Variants in TNNT2 observed in about 807,000 individuals in gnomAD.
The protein encoded by TNNT2 is troponin T, cardiac muscle.
Under a neutral mutation model 62.4 loss-of-function variants are expected in TNNT2, and 34 were observed. The observed-to-expected ratio is 0.54, with a 90% CI of 0.41 to 0.72. TNNT2 has a LOEUF of 0.72. Ranked by LOEUF, TNNT2 falls within the 30% of genes least tolerant of loss-of-function variation. The probability of loss-of-function intolerance (pLI) is 0.00; values close to 1 mark genes in which losing one functional copy is unlikely to be tolerated. For synonymous variants in TNNT2, 123 were observed against 127.2 expected, an observed-to-expected ratio of 0.97 and a Z score of 0.22; for missense variants, 275 against 381.9, an observed-to-expected ratio of 0.72 and a Z score of 2.33.
intron 12 of TNNT2, 151 bp downstream of exon 12, chr1:201,363,145 G>A: frequency 6.5e-7 from 1 of 1,547,914 alleles, no homozygotes; most frequent in Admixed American, 1.8e-5. Flanking sequence ...AACCAGCTCA[G>A]GGCTGGGCAT....
At chr1:201,371,067 G>C (rs1032883740) in intron 4 of TNNT2, among the ~76,000 whole-genome samples, 1 of 152,186 alleles carries the variant, frequency 6.6e-6, no homozygotes, top group Non-Finnish European at 1.5e-5. Context: ...GTGCAGGAGG[G>C]TCCCCATTTT....
In TNNT2 at chr1:201,362,121, G is replaced by A. The variant is rs750030939; in HGVS notation, c.610-99C>T. 6.6e-6 allele frequency: 9 copies of A among 1,364,780 alleles called. No individual in the cohort carries two copies. In the Admixed American group the frequency reaches 1.0e-4, roughly 15 times the overall value. 84.5% of individuals were successfully genotyped at this position (1,364,780 alleles called of 1,614,324 possible). Reference sequence around the variant, plus strand: ...TGGGGGTGGAGCAAGGCCTGCAGGAGGGCCAGGTTCTTATGCTCTTCTTCC... The same window carrying A: ...TGGGGGTGGAGCAAGGCCTGCAGGAAGGCCAGGTTCTTATGCTCTTCTTCC... On this transcript the variant is annotated intron_variant, in intron 13 of 16. Transcript: ENST00000656932.
chr1:201,361,374 A>C lies in TNNT2; in HGVS notation c.720-5T>G, dbSNP rs730881092. 12 of 1,613,698 alleles carry C rather than the reference A, an allele frequency of 7.4e-6. No homozygotes were observed. The Admixed American group carries it at 2.0e-4, about 27-fold the overall frequency. ...CACAGCTCCTTGGCCTTCTCCCTGCACGGGCAAGGGTGAGAATGGGGAGGT... is the reference window on the plus strand; with the variant it reads ...CACAGCTCCTTGGCCTTCTCCCTGCCCGGGCAAGGGTGAGAATGGGGAGGT... On this transcript the variant is annotated splice_region_variant and splice_polypyrimidine_tract_variant and intron_variant, in intron 14 of 16. Coordinates refer to ENST00000656932, the MANE Select transcript of TNNT2 (RefSeq NM_001276345.2).
Position 201,365,220 on chromosome 1 carries a change from C to G in TNNT2, c.382G>C (p.Glu128Gln). ...AHFENRKKEE[E>Q]ELVSLKDRIE... Reference sequence around the variant, plus strand: ...CTGTCTTTGAGAGAAACGAGCTCCTCCTCCTCTTTCTTCCTGTTCTCAAAG... The same window carrying G: ...CTGTCTTTGAGAGAAACGAGCTCCTGCTCCTCTTTCTTCCTGTTCTCAAAG... Residue 128 changes from glutamate (E) to glutamine (Q), a missense_variant, in exon 10 of 17, where the codon GAG becomes CAG. Transcript: ENST00000656932. 1 of 1,614,164 alleles carries G rather than the reference C, an allele frequency of 6.2e-7. No individual in the cohort carries two copies. The highest frequency in any genetic ancestry group is 8.5e-7 in the Non-Finnish European group (1 of 1,179,984).
In TNNT2 at chr1:201,362,516, G is replaced by A. The variant is rs1658867045; in HGVS notation, c.601-122C>T. 16 of 1,295,090 alleles carry A rather than the reference G, an allele frequency of 1.2e-5. 1 individual carries two copies. Among genetic ancestry groups the A allele is most frequent in the Middle Eastern group, 1.8e-4 (1 of 5,424 alleles). 80.2% of individuals were successfully genotyped at this position (1,295,090 alleles called of 1,614,324 possible). A position where few individuals can be genotyped will look rare whatever the true frequency, so the allele number is the denominator to read the frequency against. ...CATGGAAGAGAAGATTCAGATACTC[G>A]CTGTAGTCAGCCGGGTTTACTAGGA... On this transcript the variant is annotated intron_variant, in intron 12 of 16. Transcript: ENST00000656932.
In TNNT2 at chr1:201,363,308, A is replaced by AC; in HGVS notation, c.587dup (p.Tyr197LeufsTer18). 6.2e-7 allele frequency: 1 copy of AC among 1,613,802 alleles called. No individual in the cohort carries two copies. Among genetic ancestry groups the AC allele is most frequent in the South Asian group, 1.1e-5 (1 of 91,072 alleles). ...GCTCCCTACCTACCTTCTGGATGTA[A>AC]CCCCCAAAATGCATCATGTTGGACA... On this transcript the variant is annotated frameshift_variant, in exon 12 of 17. Coordinates refer to ENST00000656932, the MANE Select transcript of TNNT2 (RefSeq NM_001276345.2). LOFTEE classifies it high-confidence loss of function.
At chr1:201,369,897 C>T (rs1168032373) in intron 4 of TNNT2, 52 bp from the exon 5 acceptor site, 7 of 1,612,530 alleles carry the variant, frequency 4.3e-6, no homozygotes, top group Non-Finnish European at 5.1e-6. Flanking sequence ...ACAGGTTAGT[C>T]TGGGAGCAGA....
chr1:201,359,492 G>A, intron 16 of TNNT2, 131 bp downstream of exon 16: 1 of 1,078,270 alleles, frequency 9.3e-7, no homozygotes, highest in Non-Finnish European at 1.4e-6. Flanking sequence ...GCCAGAGAAG[G>A]AAACCTGTGG....
At chr1:201,367,254 C>T (rs1659833153) in intron 7 of TNNT2, 7 of 414,644 alleles carry the variant, frequency 1.7e-5, no homozygotes, top group Non-Finnish European at 3.2e-5. Context: ...TTCTTTGTTA[C>T]CCCTTGGACT....
At chr1:201,365,522 C>G in intron 9 of TNNT2, 88 bp downstream of exon 9, 1 of 1,475,820 alleles carries the variant, frequency 6.8e-7, no homozygotes, top group Non-Finnish European at 9.4e-7. Context: ...TATGCTCTAC[C>G]CCAGCCCAAG....
intron 7 of TNNT2, chr1:201,367,415 T>C (rs1185885201): frequency 3.1e-5 from 14 of 457,052 alleles, no homozygotes; most frequent in Admixed American, 2.5e-4. Flanking sequence ...CATGACCATC[T>C]ATGCATTGGG....
intron 6 of TNNT2, 104 bp downstream of exon 6, chr1:201,368,058 G>A (rs1659986011): frequency 2.5e-6 from 3 of 1,194,244 alleles, no homozygotes; most frequent in Non-Finnish European, 3.8e-6. Context: ...AGAGTCAGGT[G>A]CACATGGGAA....
Position 201,363,700 on chromosome 1 carries a change from G to A in TNNT2, c.490-294C>T, listed in dbSNP as rs954593184. The A allele has an allele frequency of 6.7e-6, 3 of 444,902 alleles. No homozygotes were observed. The Admixed American group carries it at 1.0e-4, about 15-fold the overall frequency. The allele number at this position is 444,902 out of a possible 1,614,324, so 27.6% of individuals were successfully genotyped here. ...TGGAAATGCCTTCAGCAGCTGCACA[G>A]GAAGAGAGCTACGGGGCCTTCGGTT... On this transcript the variant is annotated intron_variant, in intron 11 of 16. Transcript: ENST00000656932.
At position 201,364,313 on chromosome 1, in the gene TNNT2, C is replaced by T. The variant is rs35914325; in HGVS notation, c.474G>A (p.Arg158=). The change falls in exon 11 of 17, where the codon CGG becomes CGA. Residue 158 remains arginine (R), a synonymous_variant. Transcript: ENST00000656932. ...QRIRNEREKE[R]QNRLAEERAR... is the part of the protein sequence containing the mutation. ...GGTCACTCACAGCCAGGCGGTTCTG[C>T]CGCTCCTTCTCCCGCTCATTCCGGA... The T allele has an allele frequency of 1.2e-6, 2 of 1,612,856 alleles. No homozygotes were observed.
intron 4 of TNNT2, among the ~76,000 whole-genome samples, chr1:201,370,421 C>T (rs894383586): frequency 2.0e-5 from 3 of 152,152 alleles, no homozygotes; most frequent in African/African-American, 7.2e-5. Flanking sequence ...GAGGATGCTG[C>T]CCCATCTAAG....
Position 201,361,356 on chromosome 1 carries a change from C to T in TNNT2, c.733G>A (p.Glu245Lys). 2 of 1,614,176 alleles carry T rather than the reference C, an allele frequency of 1.2e-6. No individual in the cohort carries two copies. Among genetic ancestry groups the T allele is most frequent in the Non-Finnish European group, 8.5e-7 (1 of 1,180,004 alleles). ...NEDQLREKAK[E>K]LWQSIYNLEA... ...AAGTTATAGATGCTCTGCCACAGCT[C>T]CTTGGCCTTCTCCCTGCACGGGCAA... is the stretch of plus-strand genomic sequence containing the variant. Residue 245 changes from glutamate to lysine, a missense_variant, in exon 15 of 17, where the codon GAG (glutamate) becomes AAG (lysine). Transcript: ENST00000656932.
rs188189631 is a variant in TNNT2, at chr1:201,366,348, G to A, written c.233+490C>T. 3.1e-5 allele frequency: 29 copies of A among 948,508 alleles called. 1 individual carries two copies. The East Asian group carries it at 2.4e-3, about 79-fold the overall frequency. The allele number at this position is 948,508 out of a possible 1,614,324, so 58.8% of individuals were successfully genotyped here. On this transcript the variant is annotated intron_variant, in intron 8 of 16. Transcript: ENST00000656932. Reference sequence around the variant, plus strand: ...GGGTTGGCATCATAAAAAGGGAAATGCTCCCTATCCCCCAGCCCCCCCCAG... The same window carrying A: ...GGGTTGGCATCATAAAAAGGGAAATACTCCCTATCCCCCAGCCCCCCCCAG...
intron 2 of TNNT2, among the ~76,000 whole-genome samples, chr1:201,372,755 C>T (rs112537968): frequency 2.0e-5 from 3 of 152,348 alleles, no homozygotes; most frequent in African/African-American, 7.2e-5. Flanking sequence ...TGTCCCACCC[C>T]CTGGTTTCCC....
intron 1 of TNNT2, among the ~76,000 whole-genome samples, chr1:201,375,622 G>A (rs570943788): frequency 6.6e-6 from 1 of 152,188 alleles, no homozygotes; most frequent in Non-Finnish European, 1.5e-5. Context: ...CCTAACCCTA[G>A]GATGGGTGGG....
Sources: gnomAD v4.1 joint callset for allele counts (sites outside exome capture counted in the v4.1 genomes callset) on GRCh38, gnomAD v4.1.1 for gene constraint, MANE v1.5 for transcripts, NCBI Gene and HGNC (gene_info 2026-07-23, HGNC 2026-07-21) for gene names.